Variants in LRRC8C observed in about 807,000 individuals in gnomAD.
LRRC8C encodes the protein leucine rich repeat containing 8 VRAC subunit C, also known as volume-regulated anion channel subunit LRRC8C.
LRRC8C carries 20 observed loss-of-function variants against 55.3 expected under a neutral mutation model. That is an observed-to-expected ratio of 0.36 (90% confidence interval 0.25 to 0.53). LRRC8C has a LOEUF of 0.53. LRRC8C is among the 20% of genes least tolerant of loss of function. The pLI is 0.92. For synonymous variants in LRRC8C, 376 were observed against 360.7 expected, an observed-to-expected ratio of 1.04 and a Z score of -0.48; for missense variants, 659 against 951.4, an observed-to-expected ratio of 0.69 and a Z score of 4.04.
chr1:89,666,774 A>G (rs997402755), intron 1 of LRRC8C, among the ~76,000 whole-genome samples: 2 of 152,158 alleles, frequency 1.3e-5, no homozygotes, highest in Non-Finnish European at 2.9e-5. Context: ...TCATTGGTTC[A>G]GCAATTACTT....
chr1:89,710,691 A>T (rs964820604), intron 2 of LRRC8C, among the ~76,000 whole-genome samples: 1 of 152,186 alleles, frequency 6.6e-6, no homozygotes, highest in African/African-American at 2.4e-5. Context: ...AGAACTTTAT[A>T]AATCTTGTGG....
At chr1:89,674,680 A>G (rs570581261) in intron 1 of LRRC8C, among the ~76,000 whole-genome samples, 1 of 152,284 alleles carries the variant, frequency 6.6e-6, no homozygotes, top group South Asian at 2.1e-4. Context: ...GGAAAGACCA[A>G]TCAACAGCTG....
intron 1 of LRRC8C, among the ~76,000 whole-genome samples, chr1:89,644,100 G>T (rs1045718612): frequency 6.6e-6 from 1 of 152,214 alleles, no homozygotes; most frequent in African/African-American, 2.4e-5. Context: ...TGGTAGGATA[G>T]CTTTCTATCA....
At chr1:89,642,284 C>T (rs1173281689) in intron 1 of LRRC8C, among the ~76,000 whole-genome samples, 2 of 152,196 alleles carry the variant, frequency 1.3e-5, no homozygotes, top group African/African-American at 2.4e-5. Flanking sequence ...AGAGTAGATA[C>T]CAGACTAGTA....
chr1:89,637,242 T>G (rs1195711262), intron 1 of LRRC8C, among the ~76,000 whole-genome samples: 1 of 151,882 alleles, frequency 6.6e-6, no homozygotes, highest in Non-Finnish European at 1.5e-5. Flanking sequence ...TTTGAGTAGT[T>G]TGGTAGTTTA....
chr1:89,624,162 G>A, the LRRC8C span, among the ~76,000 whole-genome samples: 8 of 152,188 alleles, frequency 5.3e-5, no homozygotes, highest in Non-Finnish European at 1.0e-4. Context: ...AACCTTTTAT[G>A]AGCAGTAAGT....
intron 1 of LRRC8C, among the ~76,000 whole-genome samples, chr1:89,683,548 G>T (rs1235258305): frequency 6.6e-6 from 1 of 151,834 alleles, no homozygotes; most frequent in African/African-American, 2.4e-5. Context: ...AGTAGAGTTG[G>T]GGTTTCACCA....
chr1:89,691,057 A>T lies in LRRC8C; in HGVS notation c.138+4446A>T, dbSNP rs369369847. Among the ~76,000 whole-genome samples, 16 of 152,324 alleles carry T rather than the reference A, an allele frequency of 1.1e-4. No homozygotes were observed. In the East Asian group the frequency reaches 2.9e-3, roughly 28 times the overall value. On this transcript the variant is annotated intron_variant, in intron 2 of 2. Transcript: ENST00000370454. Reference sequence around the variant, plus strand: ...GAATTCATACGGGGTGGACTACTCAATTCAACAAACAATCCTGTGCATCAG... The same window carrying T: ...GAATTCATACGGGGTGGACTACTCATTTCAACAAACAATCCTGTGCATCAG...
rs148234205 is a variant in LRRC8C, at chr1:89,663,924, G to A, written c.-4-22546G>A. Among the ~76,000 whole-genome samples, 577 of 152,162 alleles carry A rather than the reference G, an allele frequency of 3.8e-3. 4 individuals carry two copies. Among genetic ancestry groups the A allele is most frequent in the African/African-American group, 0.012 (505 of 41,516 alleles). On this transcript the variant is annotated intron_variant, in intron 1 of 2. Transcript: ENST00000370454. Reference sequence around the variant, plus strand: ...GTTTGTTGGCTGCATAAATGTCTTCGTTTAAGAAGTGTCTGTTCATATCCT... The same window carrying A: ...GTTTGTTGGCTGCATAAATGTCTTCATTTAAGAAGTGTCTGTTCATATCCT...
At chr1:89,675,714 A>G (rs190356227) in intron 1 of LRRC8C, among the ~76,000 whole-genome samples, 85 of 152,362 alleles carry the variant, frequency 5.6e-4, no homozygotes, top group Non-Finnish European at 1.0e-3. Flanking sequence ...AAGGAGAAAC[A>G]CACAGCCTTT....
chr1:89,706,900 A>G (rs554884807), intron 2 of LRRC8C, among the ~76,000 whole-genome samples: 2 of 152,288 alleles, frequency 1.3e-5, no homozygotes, highest in South Asian at 2.1e-4. Context: ...TGTTTTCTCA[A>G]CATGATGATT....
At chr1:89,656,098 C>T (rs771423759) in intron 1 of LRRC8C, among the ~76,000 whole-genome samples, 3 of 152,216 alleles carry the variant, frequency 2.0e-5, no homozygotes, top group African/African-American at 2.4e-5. Flanking sequence ...TGTAGTAGCT[C>T]ACAACAAAGA....
intron 2 of LRRC8C, among the ~76,000 whole-genome samples, chr1:89,697,049 C>CTA (rs774635313): frequency 3.9e-5 from 6 of 152,046 alleles, no homozygotes; most frequent in Non-Finnish European, 8.8e-5. Flanking sequence ...ACATAAATGA[C>CTA]TAACAAGTGC....
intron 1 of LRRC8C, among the ~76,000 whole-genome samples, chr1:89,651,216 C>T (rs1170386721): frequency 6.6e-6 from 1 of 152,076 alleles, no homozygotes; most frequent in Non-Finnish European, 1.5e-5. Flanking sequence ...TTTGGTATGG[C>T]CCACTTGCTG....
At chr1:89,708,744 A>G (rs965455737) in intron 2 of LRRC8C, 1 of 152,212 alleles carries the variant, frequency 6.6e-6, no homozygotes, top group Admixed American at 6.5e-5. Context: ...CCTCTCTCTT[A>G]TAGCTATTGC....
At chr1:89,689,471 G>A (rs1657971162) in intron 2 of LRRC8C, among the ~76,000 whole-genome samples, 1 of 152,180 alleles carries the variant, frequency 6.6e-6, no homozygotes, top group South Asian at 2.1e-4. Context: ...CAGCTGTTGA[G>A]AATATACTGT....
chr1:89,627,270 AAT>A, the LRRC8C span, among the ~76,000 whole-genome samples: 8 of 150,694 alleles, frequency 5.3e-5, no homozygotes, highest in Admixed American at 1.3e-4. Flanking sequence ...GACAATGACC[AAT>A]ATATATATAT....
Position 89,712,779 on chromosome 1 carries a change from A to G in LRRC8C, c.209A>G (p.Asn70Ser), listed in dbSNP as rs149930098. ...GCTCAGAACCACTCTTCCCTTTCGAATGTCTCTCAAGCAGTTGCCAGTACC... is the reference window on the plus strand; with the variant it reads ...GCTCAGAACCACTCTTCCCTTTCGAGTGTCTCTCAAGCAGTTGCCAGTACC... The part of the protein sequence containing the change: ...QPAQNHSSLS[N>S]VSQAVASTTP... The change falls in exon 3 of 3, where the codon AAT becomes AGT. Residue 70 changes from asparagine to serine, a missense_variant. Physicochemically the swap from Asn to Ser is conservative, Grantham distance 46. Transcript: ENST00000370454. The G allele has an allele frequency of 5.5e-5, 88 of 1,613,996 alleles. No homozygotes were observed. Among genetic ancestry groups the G allele is most frequent in the Non-Finnish European group, 6.9e-5 (81 of 1,180,034 alleles).
chr1:89,643,211 C>T (rs1570690413), intron 1 of LRRC8C, among the ~76,000 whole-genome samples: 1 of 152,154 alleles, frequency 6.6e-6, no homozygotes, highest in Admixed American at 6.5e-5. Context: ...TCTACCTCAC[C>T]GTCCAGAGTA....
Sources: allele counts gnomAD v4.1 joint callset (sites outside exome capture counted in the v4.1 genomes callset), GRCh38; gene constraint gnomAD v4.1.1; transcripts MANE v1.5; gene names NCBI Gene and HGNC (gene_info 2026-07-23, HGNC 2026-07-21).